KCNIP1: variants seen among roughly 807,000 people sequenced by gnomAD.
KCNIP1 encodes A-type potassium channel modulatory protein KCNIP1.
A neutral mutation model predicts 33.0 loss-of-function variants in KCNIP1; 18 were observed. The ratio of observed to expected loss-of-function variants is 0.55; its 90% confidence interval spans 0.38 to 0.81. The LOEUF (loss-of-function observed/expected upper bound fraction) is 0.81. KCNIP1 is among the 30% of genes least tolerant of loss of function. The pLI, the probability that KCNIP1 is intolerant of heterozygous loss-of-function variation, is 0.00. For synonymous variants in KCNIP1, 93 were observed against 98.3 expected, an observed-to-expected ratio of 0.95 and a Z score of 0.32; for missense variants, 238 against 271.6, an observed-to-expected ratio of 0.88 and a Z score of 0.87.
intron 1 of KCNIP1, among the ~76,000 whole-genome samples, chr5:170,511,462 C>T (rs189933405): frequency 1.5e-4 from 23 of 152,284 alleles, no homozygotes; most frequent in Non-Finnish European, 1.0e-4. Flanking sequence ...TCTGAGATCC[C>T]GAGCCACCAT....
chr5:170,591,761 A>C (rs1758270293), intron 1 of KCNIP1, among the ~76,000 whole-genome samples: 2 of 152,210 alleles, frequency 1.3e-5, no homozygotes, highest in South Asian at 2.1e-4. Flanking sequence ...ATGTTGTTGC[A>C]TGTGTCAGAA....
intron 6 of KCNIP1, 81 bp from the exon 7 acceptor site, chr5:170,733,755 G>A: frequency 1.7e-6 from 2 of 1,183,036 alleles, no homozygotes; most frequent in Non-Finnish European, 2.5e-6. Flanking sequence ...GTTACTCTGA[G>A]CTCCAGCAAG....
intron 1 of KCNIP1, among the ~76,000 whole-genome samples, chr5:170,604,093 G>A (rs750860566): frequency 6.6e-6 from 1 of 152,180 alleles, no homozygotes. Context: ...GCATGGTGAC[G>A]GCCCGGTGGT....
intron 7 of KCNIP1, 70 bp from the exon 8 acceptor site, chr5:170,735,689 T>C (rs1764364922): frequency 7.5e-7 from 1 of 1,333,396 alleles, no homozygotes; most frequent in Non-Finnish European, 1.1e-6. Context: ...TGACATTTGC[T>C]CACCAGAGTT....
chr5:170,585,448 G>A (rs557959993), intron 1 of KCNIP1, among the ~76,000 whole-genome samples: 83 of 152,178 alleles, frequency 5.5e-4, no homozygotes, highest in African/African-American at 1.6e-3. Flanking sequence ...TATTTTCCCC[G>A]AAGCCTCTCC....
At chr5:170,430,705 A>T (rs1160616043) in intron 1 of KCNIP1, among the ~76,000 whole-genome samples, 1 of 152,222 alleles carries the variant, frequency 6.6e-6, no homozygotes, top group African/African-American at 2.4e-5. Context: ...CCAGTGAAGG[A>T]CAGAGCTGGG....
At chr5:170,382,127 G>A (rs994948948) in intron 1 of KCNIP1, among the ~76,000 whole-genome samples, 4 of 152,146 alleles carry the variant, frequency 2.6e-5, no homozygotes, top group African/African-American at 9.7e-5. Context: ...AGTGCTTGCT[G>A]CGGCCTTGGC....
exon 1 of KCNIP1, chr5:170,353,688 G>A: frequency 1.6e-6 from 1 of 611,912 alleles, no homozygotes. Context: ...AGTTTGCCCT[G>A]CAGGCTCTCT....
intron 1 of KCNIP1, among the ~76,000 whole-genome samples, chr5:170,546,113 G>A (rs1756398908): frequency 6.6e-6 from 1 of 152,208 alleles, no homozygotes. Context: ...ATTTCCTTGT[G>A]TGGTCTTCAT....
chr5:170,651,878 C>G (rs1761057787), intron 1 of KCNIP1, among the ~76,000 whole-genome samples: 1 of 152,116 alleles, frequency 6.6e-6, no homozygotes, highest in Non-Finnish European at 1.5e-5. Context: ...TATCGTATTG[C>G]AATACTATTT....
At chr5:170,658,368 AGGTT>A (rs890333166) in intron 1 of KCNIP1, among the ~76,000 whole-genome samples, 4 of 152,278 alleles carry the variant, frequency 2.6e-5, no homozygotes, top group Admixed American at 1.3e-4. Context: ...GCACTAGCTC[AGGTT>A]TCTCCTAAAA....
chr5:170,529,130 C>T (rs1432807665), intron 1 of KCNIP1, among the ~76,000 whole-genome samples: 3 of 152,210 alleles, frequency 2.0e-5, no homozygotes, highest in East Asian at 3.9e-4. Context: ...AGATTAACTT[C>T]AGGCAGAGCT....
intron 1 of KCNIP1, among the ~76,000 whole-genome samples, chr5:170,582,271 A>G (rs1019339296): frequency 3.3e-5 from 5 of 152,370 alleles, no homozygotes; most frequent in African/African-American, 4.8e-5. Flanking sequence ...AGTTTAAGGT[A>G]GCAGGTTGGC....
chr5:170,534,358 A>G (rs1207868624), intron 1 of KCNIP1, among the ~76,000 whole-genome samples: 3 of 152,112 alleles, frequency 2.0e-5, no homozygotes, highest in Non-Finnish European at 4.4e-5. Flanking sequence ...AGGTGAAAGG[A>G]TCACCTGAGC....
intron 1 of KCNIP1, among the ~76,000 whole-genome samples, chr5:170,663,617 C>T (rs1761582193): frequency 6.6e-6 from 1 of 152,164 alleles, no homozygotes; most frequent in African/African-American, 2.4e-5. Flanking sequence ...ATCTTACAAT[C>T]TGTCCTGCCC....
intron 1 of KCNIP1, among the ~76,000 whole-genome samples, chr5:170,684,940 A>G (rs1022729852): frequency 6.8e-5 from 10 of 148,004 alleles, no homozygotes; most frequent in Admixed American, 5.6e-4. Flanking sequence ...TCAGAAGACA[A>G]GAACACTTTT....
intron 1 of KCNIP1, among the ~76,000 whole-genome samples, chr5:170,716,421 A>G (rs1030059482): frequency 5.9e-5 from 9 of 152,234 alleles, no homozygotes; most frequent in Non-Finnish European, 1.2e-4. Context: ...AGAGAGGGCC[A>G]CTGGTTTACC....
At chr5:170,482,561 G>A (rs1030712161) in intron 1 of KCNIP1, among the ~76,000 whole-genome samples, 4 of 152,126 alleles carry the variant, frequency 2.6e-5, no homozygotes, top group African/African-American at 4.8e-5. Flanking sequence ...ACAGATGAGC[G>A]GTGGCAGAGC....
At chr5:170,449,341 A>T (rs1302283509) in intron 1 of KCNIP1, among the ~76,000 whole-genome samples, 2 of 152,218 alleles carry the variant, frequency 1.3e-5, no homozygotes, top group Non-Finnish European at 1.5e-5. Flanking sequence ...GTAGCCCTCA[A>T]CTTCCAAACT....
Sources: allele counts gnomAD v4.1 joint callset (sites outside exome capture counted in the v4.1 genomes callset), GRCh38; gene constraint gnomAD v4.1.1; transcripts MANE v1.5; gene names NCBI Gene and HGNC (gene_info 2026-07-23, HGNC 2026-07-21).